The following ING1 variants were observed in gnomAD, a reference collection of about 807,000 sequenced individuals.
The protein encoded by ING1 is inhibitor of growth protein 1.
In ING1, 4 loss-of-function variants were observed where a neutral mutation model predicts 23.1. That is an observed-to-expected ratio of 0.17 (90% CI 0.09 to 0.40). The LOEUF is 0.40. Ranked by LOEUF, ING1 falls within the 10% of genes least tolerant of loss-of-function variation. The pLI is 1.00. For missense variants in ING1, 256 were observed against 393.8 expected, an observed-to-expected ratio of 0.65 and a Z score of 2.96; for synonymous variants, 179 against 166.4, an observed-to-expected ratio of 1.08 and a Z score of -0.58.
At chr13:110,714,516 A>C (rs1238018565) in intron 1 of ING1, among the ~76,000 whole-genome samples, 1 of 151,508 alleles carries the variant, frequency 6.6e-6, no homozygotes, top group Non-Finnish European at 1.5e-5. Flanking sequence ...GTCTCGCTGC[A>C]AGGCTGCGCG....
At chr13:110,713,664 G>A (rs973361753), upstream of ING1, 7 of 985,444 alleles carry the variant, frequency 7.1e-6, no homozygotes, top group Admixed American at 6.2e-5. Flanking sequence ...TGCGCAGCGG[G>A]GCTGAATGTT....
chr13:110,713,277 A>C, upstream of ING1: 1 of 1,290,422 alleles, frequency 7.7e-7, no homozygotes, highest in Non-Finnish European at 9.8e-7. Context: ...GGGGCTGAGG[A>C]GCGAGTTGCG....
upstream of ING1, chr13:110,713,068 C>G: frequency 2.1e-6 from 3 of 1,448,356 alleles, no homozygotes; most frequent in Non-Finnish European, 2.7e-6. Flanking sequence ...CGTGCCCGGC[C>G]CTCCCCTTCC....
intron 1 of ING1, chr13:110,716,153 G>C (rs144185722): frequency 2.4e-6 from 2 of 830,182 alleles, no homozygotes; most frequent in Non-Finnish European, 3.4e-6. Flanking sequence ...CACTTTGATC[G>C]TTCGACGATA....
At chr13:110,715,230 T>C (rs1395057591) in intron 1 of ING1, 3 of 1,308,700 alleles carry the variant, frequency 2.3e-6, no homozygotes, top group Non-Finnish European at 2.9e-6. Flanking sequence ...ACTCGGAGTT[T>C]ACTAATGTTT....
rs770801833 is a variant in ING1, at chr13:110,714,124, G to A, written c.-26G>A. On this transcript the variant is annotated 5_prime_UTR_variant, in exon 1 of 2. Coordinates refer to ENST00000333219, the MANE Select transcript of ING1 (RefSeq NM_198219.3). ...TGGAGGAAGCGGAAAGCCGCGCCGA[G>A]TCGCCGGGGACCTCCGGGGTGAACC... is the stretch of plus-strand genomic sequence containing the variant. The A allele has an allele frequency of 4.0e-6, 6 of 1,508,312 alleles. No homozygotes were observed. The East Asian group carries it at 1.6e-4, about 41-fold the overall frequency. 93.4% of individuals were successfully genotyped at this position (1,508,312 alleles called of 1,614,324 possible).
upstream of ING1, chr13:110,713,568 GC>G: frequency 1.0e-6 from 1 of 985,960 alleles, no homozygotes; most frequent in South Asian, 4.6e-5. Context: ...GGAGCCCGCA[GC>G]CCCCAGGGCC....
At chr13:110,714,786 A>T (rs899316201) in intron 1 of ING1, among the ~76,000 whole-genome samples, 5 of 152,178 alleles carry the variant, frequency 3.3e-5, no homozygotes, top group Non-Finnish European at 5.9e-5. Context: ...TCAGTCCCGA[A>T]TCTGAGTGTT....
upstream of ING1, chr13:110,713,671 T>A: frequency 1.0e-6 from 1 of 985,336 alleles, no homozygotes; most frequent in Non-Finnish European, 1.2e-6. Context: ...CGGGGCTGAA[T>A]GTTTCCCAAG....
intron 1 of ING1, chr13:110,715,331 G>C (rs1054529828): frequency 1.1e-5 from 16 of 1,447,208 alleles, no homozygotes; most frequent in Middle Eastern, 2.6e-4. Flanking sequence ...CGCCTCTGCC[G>C]GGAAGGCGCC....
chr13:110,717,018 C>G (rs1370882327), intron 1 of ING1, among the ~76,000 whole-genome samples: 1 of 152,142 alleles, frequency 6.6e-6, no homozygotes, highest in Non-Finnish European at 1.5e-5. Context: ...TTAGGCTTCA[C>G]CTGGATGGAA....
intron 1 of ING1, chr13:110,716,109 G>T: frequency 7.8e-7 from 1 of 1,281,322 alleles, no homozygotes; most frequent in African/African-American, 1.5e-5. Context: ...GGTGACCCTG[G>T]GGCTCCGGAC....
upstream of ING1, chr13:110,713,263 G>A: frequency 1.5e-6 from 2 of 1,330,674 alleles, no homozygotes; most frequent in Non-Finnish European, 9.6e-7. Context: ...GGGACGAAGA[G>A]TCAGGGGCTG....
chr13:110,715,547 G>C (rs1282265581), intron 1 of ING1: 1 of 1,614,148 alleles, frequency 6.2e-7, no homozygotes, highest in Non-Finnish European at 8.5e-7. Flanking sequence ...CTGTGTTTCC[G>C]CTGTCTTCTT....
chr13:110,722,960 C>T lies in ING1; in HGVS notation c.*3028C>T, dbSNP rs966409655. Reference sequence around the variant, plus strand: ...TGAATTCTTTTTGAAAAATAGATTACTGAAAAGCGATCTAATATAGAACAG... The same window carrying T: ...TGAATTCTTTTTGAAAAATAGATTATTGAAAAGCGATCTAATATAGAACAG... On this transcript the variant is annotated 3_prime_UTR_variant, in exon 2 of 2. Transcript: ENST00000333219. The T allele has an allele frequency of 6.6e-6, 1 of 152,156 alleles. No individual in the cohort carries two copies. The highest frequency in any genetic ancestry group is 2.4e-5 in the African/African-American group (1 of 41,432). The allele number at this position is 152,156 out of a possible 1,614,324, so 9.4% of individuals were successfully genotyped here. A position where few individuals can be genotyped will look rare whatever the true frequency, so the allele number is the denominator to read the frequency against.
At chr13:110,712,733 C>T, upstream of ING1, 2 of 696,392 alleles carry the variant, frequency 2.9e-6, no homozygotes, top group Non-Finnish European at 5.2e-6. Context: ...GTGTGGGGAG[C>T]GGCCTCCGAG....
intron 1 of ING1, chr13:110,715,851 G>A (rs756064213): frequency 1.9e-6 from 3 of 1,594,794 alleles, no homozygotes; most frequent in South Asian, 2.2e-5. Context: ...CCACTTTCGG[G>A]CGCGGATTTA....
At position 110,719,673 on chromosome 13, in the gene ING1, C is replaced by T. The variant is rs376816952; in HGVS notation, c.581C>T (p.Ala194Val). The T allele has an allele frequency of 4.4e-5, 71 of 1,613,768 alleles. No individual in the cohort carries two copies. The African/African-American group carries it at 6.8e-4, about 15-fold the overall frequency. The change falls in exon 2 of 2, where the codon GCG (alanine) becomes GTG (valine). Residue 194 changes from alanine (A) to valine (V), a missense_variant. Ala to Val is a moderately conservative substitution (Grantham distance 64, BLOSUM62 0). Coordinates refer to ENST00000333219, the MANE Select transcript of ING1 (RefSeq NM_198219.3). This position sits in a 1 kb window ranked among gnomAD's most constrained non-coding sequence, Gnocchi z 8.9. ...SKKKKRSKAK[A>V]EREASPADLP... ...AAGAAGAAGCGCTCCAAGGCCAAGGCGGAGCGAGAGGCGTCCCCTGCCGAC... is the reference window on the plus strand; with the variant it reads ...AAGAAGAAGCGCTCCAAGGCCAAGGTGGAGCGAGAGGCGTCCCCTGCCGAC...
In ING1 at chr13:110,714,063, C is replaced by T. The variant is rs894292708; in HGVS notation, c.-87C>T. On this transcript the variant is annotated 5_prime_UTR_variant, in exon 1 of 2. Transcript: ENST00000333219. ...GGGCGCCGGGAGAGCGAGGGCTTTGCATTTTGCAGTGCTATTTTTTGAGGG... is the reference window on the plus strand; with the variant it reads ...GGGCGCCGGGAGAGCGAGGGCTTTGTATTTTGCAGTGCTATTTTTTGAGGG... 3 of 1,336,318 alleles carry T rather than the reference C, an allele frequency of 2.2e-6. No individual in the cohort carries two copies. Among genetic ancestry groups the T allele is most frequent in the East Asian group, 3.0e-5 (1 of 33,280 alleles). The allele number at this position is 1,336,318 out of a possible 1,614,324, so 82.8% of individuals were successfully genotyped here.
Sources: gnomAD v4.1 joint callset for allele counts (sites outside exome capture counted in the v4.1 genomes callset) on GRCh38, gnomAD v4.1.1 for gene constraint, Gnocchi (gnomAD v3.1) non-coding constraint, MANE v1.5 for transcripts, NCBI Gene and HGNC (gene_info 2026-07-23, HGNC 2026-07-21) for gene names.